ANKRD17: variants seen among roughly 807,000 people sequenced by gnomAD.
The protein encoded by ANKRD17 is ankyrin repeat domain-containing protein 17.
In ANKRD17, 19 loss-of-function variants were observed where a neutral mutation model predicts 229.7. That is an observed-to-expected ratio of 0.08 (90% CI 0.06 to 0.12). The LOEUF (loss-of-function observed/expected upper bound fraction) is 0.12. ANKRD17 is among the 10% of genes least tolerant of loss of function. The probability of loss-of-function intolerance (pLI) is 1.00; values close to 1 mark genes in which losing one functional copy is unlikely to be tolerated. For synonymous variants in ANKRD17, 1,112 were observed against 1,146.1 expected (o/e 0.97, Z 0.60); for missense variants, 2,176 against 3,176.8 (o/e 0.68, Z 7.57).
In ANKRD17 at chr4:73,091,962, T is replaced by C; in HGVS notation, c.5666A>G (p.Gln1889Arg). Reference sequence around the variant, plus strand: ...AGCAGCAAGCAAAGCATGTGCAAACTGTGGAGGAGGATATGCTAATGGAAG... The same window carrying C: ...AGCAGCAAGCAAAGCATGTGCAAACCGTGGAGGAGGATATGCTAATGGAAG... ...VSLPLAYPPPQFAHALLAAQT... is the reference protein window; with the variant it reads ...VSLPLAYPPPRFAHALLAAQT... Residue 1889 changes from glutamine (Q) to arginine (R), a missense_variant, in exon 29 of 34, where the codon CAG becomes CGG. Around this residue, in one of 18 missense-constraint regions of ANKRD17, gnomAD observed 142 missense variants for 200.4 expected, o/e 0.71. Coordinates refer to ENST00000358602, the MANE Select transcript of ANKRD17 (RefSeq NM_032217.5). The C allele has an allele frequency of 6.2e-7, 1 of 1,614,154 alleles. No individual in the cohort carries two copies. Among genetic ancestry groups the C allele is most frequent in the Non-Finnish European group, 8.5e-7 (1 of 1,180,034 alleles).
intron 1 of ANKRD17, among the ~76,000 whole-genome samples, chr4:73,204,052 TA>T (rs1739086193): frequency 6.6e-6 from 1 of 151,944 alleles, no homozygotes; most frequent in African/African-American, 2.4e-5. Context: ...AAAAGACCTT[TA>T]AAGTGCTAAA....
chr4:73,144,841 A>T lies in ANKRD17; in HGVS notation c.1870-9T>A. 2 of 1,507,190 alleles carry T rather than the reference A, an allele frequency of 1.3e-6. No homozygotes were observed. Among genetic ancestry groups the T allele is most frequent in the South Asian group, 1.3e-5 (1 of 78,630 alleles). The allele number at this position is 1,507,190 out of a possible 1,614,324, so 93.4% of individuals were successfully genotyped here. ...CCTTCAGATTCATGTTCCTGTTTAA[A>T]AAAAAAAAAAAAGACTTGACATTTA... On this transcript the variant is annotated splice_polypyrimidine_tract_variant and intron_variant, in intron 10 of 33. Coordinates refer to ENST00000358602, the MANE Select transcript of ANKRD17 (RefSeq NM_032217.5).
At chr4:73,133,515 C>T (rs866780415) in intron 16 of ANKRD17, among the ~76,000 whole-genome samples, 22 of 151,450 alleles carry the variant, frequency 1.5e-4, no homozygotes, top group African/African-American at 4.1e-4. Context: ...CTCAGCCTCC[C>T]GAGTAGCTGG....
chr4:73,146,792 T>C lies in ANKRD17; in HGVS notation c.1841A>G (p.Asp614Gly), dbSNP rs775392394. The change falls in exon 10 of 34, where the codon GAT (aspartate) becomes GGT (glycine). Residue 614 changes from aspartate (D) to glycine (G), a missense_variant. By Grantham distance (94) the Asp-to-Gly change is moderately conservative. Around this residue, in one of 18 missense-constraint regions of ANKRD17, gnomAD observed 275 missense variants for 386.9 expected, o/e 0.71. Coordinates refer to ENST00000358602, the MANE Select transcript of ANKRD17 (RefSeq NM_032217.5). ...ACENGHTDVADVLLQAGADLE... is the reference protein window; with the variant it reads ...ACENGHTDVAGVLLQAGADLE... Reference sequence around the variant, plus strand: ...ATCTGCGCCTGCCTGAAGTAAGACATCTGCTACATCAGTATGACCATTTTC... The same window carrying C: ...ATCTGCGCCTGCCTGAAGTAAGACACCTGCTACATCAGTATGACCATTTTC... 2 of 1,611,392 alleles carry C rather than the reference T, an allele frequency of 1.2e-6. No individual in the cohort carries two copies. Among genetic ancestry groups the C allele is most frequent in the East Asian group, 2.2e-5 (1 of 44,832 alleles).
intron 1 of ANKRD17, among the ~76,000 whole-genome samples, chr4:73,183,865 TTTTA>T (rs1205261409): frequency 1.3e-5 from 2 of 152,230 alleles, no homozygotes; most frequent in African/African-American, 2.4e-5. Flanking sequence ...TAGAAGTTGC[TTTTA>T]TTTAAACAGA....
chr4:73,166,155 C>T (rs777750367), intron 2 of ANKRD17, among the ~76,000 whole-genome samples: 4 of 152,200 alleles, frequency 2.6e-5, no homozygotes, highest in Non-Finnish European at 5.9e-5. Context: ...AAACATGCAT[C>T]CAGACTTTCC....
intron 1 of ANKRD17, among the ~76,000 whole-genome samples, chr4:73,206,426 G>A (rs1402284970): frequency 1.0e-5 from 1 of 96,610 alleles, no homozygotes; most frequent in East Asian, 2.9e-4. Flanking sequence ...GAAAGAAAGT[G>A]AGAGAGAGAG....
chr4:73,247,838 C>T (rs773881096), intron 1 of ANKRD17, among the ~76,000 whole-genome samples: 91 of 151,842 alleles, frequency 6.0e-4, no homozygotes, highest in Middle Eastern at 3.4e-3. Context: ...AATTTCACTA[C>T]AACATAACAA....
chr4:73,247,508 G>C (rs1308153026), intron 1 of ANKRD17, among the ~76,000 whole-genome samples: 1 of 151,854 alleles, frequency 6.6e-6, no homozygotes, highest in African/African-American at 2.4e-5. Flanking sequence ...TTATATTATG[G>C]AACATTCATA....
chr4:73,226,470 C>T (rs912677416), intron 1 of ANKRD17, among the ~76,000 whole-genome samples: 4 of 138,162 alleles, frequency 2.9e-5, no homozygotes, highest in African/African-American at 1.1e-4. Flanking sequence ...CCCCGGCTCA[C>T]TGCAACCTCC....
At chr4:73,166,671 G>T (rs1206374001) in intron 2 of ANKRD17, among the ~76,000 whole-genome samples, 2 of 150,468 alleles carry the variant, frequency 1.3e-5, no homozygotes, top group East Asian at 3.9e-4. Context: ...CAAGTATCTG[G>T]ATCTAAAATA....
At chr4:73,222,918 A>T in intron 1 of ANKRD17, 2 of 1,346,744 alleles carry the variant, frequency 1.5e-6, no homozygotes, top group East Asian at 5.0e-5. Flanking sequence ...ATTCCGGCAG[A>T]TAAGATTTCT....
At chr4:73,101,772 A>T (rs1724030846) in intron 25 of ANKRD17, among the ~76,000 whole-genome samples, 1 of 152,116 alleles carries the variant, frequency 6.6e-6, no homozygotes, top group Non-Finnish European at 1.5e-5. Context: ...CTTAAAGAGA[A>T]AAATAAAGCA....
At chr4:73,092,381 C>T in intron 28 of ANKRD17, 81 bp from the exon 29 acceptor site, 2 of 1,072,598 alleles carry the variant, frequency 1.9e-6, no homozygotes, top group East Asian at 2.5e-5. Context: ...TATTTATGTA[C>T]ACAAACACAC....
chr4:73,191,980 T>C (rs1737171125), intron 1 of ANKRD17, among the ~76,000 whole-genome samples: 1 of 152,058 alleles, frequency 6.6e-6, no homozygotes, highest in Admixed American at 6.5e-5. Context: ...TATCCATCAA[T>C]ACTATGGTTA....
chr4:73,107,537 G>A (rs1454215711), intron 24 of ANKRD17, among the ~76,000 whole-genome samples: 2 of 152,170 alleles, frequency 1.3e-5, no homozygotes, highest in Non-Finnish European at 2.9e-5. Context: ...AAAGAGCAGC[G>A]AGATGAAAAA....
chr4:73,076,806 T>G, intron 33 of ANKRD17, 134 bp downstream of exon 33: 2 of 1,096,962 alleles, frequency 1.8e-6, no homozygotes, highest in East Asian at 5.0e-5. Flanking sequence ...TCTGCTATAT[T>G]GCAGCTATAT....
intron 29 of ANKRD17, among the ~76,000 whole-genome samples, chr4:73,090,094 C>T (rs1722639544): frequency 6.6e-6 from 1 of 151,982 alleles, no homozygotes; most frequent in Non-Finnish European, 1.5e-5. Context: ...TAAATTAAAA[C>T]ATGAAAGACT....
intron 16 of ANKRD17, among the ~76,000 whole-genome samples, chr4:73,127,423 A>T (rs1400564856): frequency 6.6e-6 from 1 of 152,170 alleles, no homozygotes; most frequent in Non-Finnish European, 1.5e-5. Flanking sequence ...TTCTTTTCAC[A>T]TTTTTTAATG....
Sources: gnomAD v4.1 joint callset for allele counts (sites outside exome capture counted in the v4.1 genomes callset) on GRCh38, gnomAD v4.1.1 for gene constraint, gnomAD v4.1.1 regional missense constraint, MANE v1.5 for transcripts, NCBI Gene and HGNC (gene_info 2026-07-23, HGNC 2026-07-21) for gene names.